MAP2: variants seen among roughly 807,000 people sequenced by gnomAD.
MAP2 encodes the protein microtubule-associated protein 2.
Under a neutral mutation model 137.6 loss-of-function variants are expected in MAP2, and 14 were observed. The ratio of observed to expected loss-of-function variants is 0.10; its 90% CI spans 0.07 to 0.16. MAP2 has a LOEUF of 0.16. MAP2 is among the 10% of genes least tolerant of loss of function. The pLI is 1.00. For missense variants in MAP2, 2,088 were observed against 2,191.5 expected (o/e 0.95, Z 0.94); for synonymous variants, 786 against 782.3 (o/e 1.00, Z -0.08).
At chr2:209,436,002 T>G (rs1369667531) in intron 1 of MAP2, among the ~76,000 whole-genome samples, 1 of 69,806 alleles carries the variant, frequency 1.4e-5, no homozygotes, top group Non-Finnish European at 2.3e-5. Flanking sequence ...ATATACTATA[T>G]ATACAGTATA....
intron 13 of MAP2, among the ~76,000 whole-genome samples, chr2:209,725,235 G>A (rs2073440304): frequency 1.3e-5 from 2 of 152,154 alleles, no homozygotes; most frequent in Non-Finnish European, 2.9e-5. Context: ...ATATGACAAT[G>A]TAATAACAAT....
intron 2 of MAP2, among the ~76,000 whole-genome samples, chr2:209,556,820 A>G (rs181394354): frequency 6.0e-4 from 92 of 152,298 alleles, no homozygotes; most frequent in African/African-American, 2.2e-3. Flanking sequence ...AATTTAAACT[A>G]CATATATAAA....
At chr2:209,529,498 T>A (rs914896624) in intron 2 of MAP2, among the ~76,000 whole-genome samples, 2 of 152,198 alleles carry the variant, frequency 1.3e-5, no homozygotes, top group Admixed American at 1.3e-4. Flanking sequence ...TCGATGTTAC[T>A]GTTTAGTCCA....
rs1377003002 is a variant in MAP2 at position 209,551,005 on chromosome 2, A to G, written c.-171-29031A>G. On this transcript the variant is annotated intron_variant, in intron 2 of 15. Coordinates refer to ENST00000682079, the MANE Select transcript of MAP2 (RefSeq NM_001375505.1). The stretch of plus-strand genomic sequence containing the variant: ...CCCAATTTCATTTTTGTTCAAAGCA[A>G]GATCTAATAAGAGGAAGAAAAATGA... 2.6e-5 allele frequency among the ~76,000 whole-genome samples: 4 copies of G among 152,078 alleles called. No homozygotes were observed. In the South Asian group the frequency reaches 6.2e-4, roughly 24 times the overall value.
At position 209,693,154 on chromosome 2, in the gene MAP2, C is replaced by T. The variant is rs1385179718; in HGVS notation, c.984C>T (p.Val328=). The T allele has an allele frequency of 1.2e-6, 2 of 1,610,296 alleles. No homozygotes were observed. Among genetic ancestry groups the T allele is most frequent in the Admixed American group, 3.4e-5 (2 of 59,238 alleles). Residue 328 remains valine, a synonymous_variant, in exon 8 of 16, where the codon GTC becomes GTT. Transcript: ENST00000682079. The stretch of plus-strand genomic sequence containing the variant: ...GAAGCTTCACTCTTCCTTTAGATGT[C>T]ATGAAGAATGAAATAGTTACAGAAA... ...QGGSFTLPLD[V]MKNEIVTETS...
intron 11 of MAP2, among the ~76,000 whole-genome samples, chr2:209,705,003 G>A (rs905452785): frequency 1.3e-5 from 2 of 151,296 alleles, no homozygotes; most frequent in South Asian, 2.1e-4. Context: ...TAAACTAAAC[G>A]TCATATACAT....
intron 3 of MAP2, among the ~76,000 whole-genome samples, chr2:209,593,016 C>T (rs2079691771): frequency 6.6e-6 from 1 of 151,686 alleles, no homozygotes; most frequent in Non-Finnish European, 1.5e-5. Context: ...TACCTTTAGT[C>T]CTGCTAATTC....
At chr2:209,658,650 G>T (rs1383642461) in intron 5 of MAP2, among the ~76,000 whole-genome samples, 2 of 151,928 alleles carry the variant, frequency 1.3e-5, no homozygotes, top group Non-Finnish European at 1.5e-5. Context: ...GAGATTACAG[G>T]CGCCTGCCAC....
At chr2:209,509,260 C>G (rs1174075654) in intron 2 of MAP2, among the ~76,000 whole-genome samples, 1 of 151,814 alleles carries the variant, frequency 6.6e-6, no homozygotes, top group Non-Finnish European at 1.5e-5. Context: ...CTAACAGTAA[C>G]GCACAAAAAT....
chr2:209,651,369 A>G (rs907245804), intron 4 of MAP2, among the ~76,000 whole-genome samples: 2 of 152,170 alleles, frequency 1.3e-5, no homozygotes, highest in South Asian at 2.1e-4. Context: ...AACTCTCATT[A>G]TTGTACTCAC....
At chr2:209,662,327 C>G (rs1418918052) in intron 5 of MAP2, among the ~76,000 whole-genome samples, 1 of 152,210 alleles carries the variant, frequency 6.6e-6, no homozygotes, top group Non-Finnish European at 1.5e-5. Context: ...TGCTAAATGT[C>G]AGAACTACAT....
In MAP2 at chr2:209,454,112, T is replaced by A; in HGVS notation, c.-222+29836T>A. Among the ~76,000 whole-genome samples, 3 of 127,304 alleles carry A rather than the reference T, an allele frequency of 2.4e-5. No individual in the cohort carries two copies. In the Admixed American group the frequency reaches 3.1e-4, roughly 13 times the overall value. 83.5% of individuals were successfully genotyped at this position (127,304 alleles called of 152,430 possible). On this transcript the variant is annotated intron_variant, in intron 1 of 15. Transcript: ENST00000682079. ...CTTGCAGTGAGCCTAGATCGCGCTC[T>A]GCACTCCATCCCGGGCAACAGAGCG... is the stretch of plus-strand genomic sequence containing the variant.
intron 13 of MAP2, among the ~76,000 whole-genome samples, chr2:209,721,428 A>G (rs1172141703): frequency 6.6e-6 from 1 of 152,244 alleles, no homozygotes; most frequent in East Asian, 1.9e-4. Flanking sequence ...TTGAGCAGAT[A>G]TAGGTGGAGA....
intron 10 of MAP2, 47 bp downstream of exon 10, chr2:209,697,098 T>C: frequency 6.6e-7 from 1 of 1,515,090 alleles, no homozygotes; most frequent in Non-Finnish European, 8.8e-7. Flanking sequence ...AGACATGTAT[T>C]TTTTTTTTAA....
chr2:209,433,192 A>G (rs1694790230), intron 1 of MAP2, among the ~76,000 whole-genome samples: 1 of 152,290 alleles, frequency 6.6e-6, no homozygotes, highest in Admixed American at 6.5e-5. Context: ...AACAAGTGAA[A>G]TAATAAATGA....
intron 1 of MAP2, among the ~76,000 whole-genome samples, chr2:209,493,697 G>C (rs1266398912): frequency 6.6e-6 from 1 of 152,136 alleles, no homozygotes; most frequent in Non-Finnish European, 1.5e-5. Flanking sequence ...CCTCATCACT[G>C]GTCATTAGAG....
At chr2:209,436,583 T>G (rs1240293666) in intron 1 of MAP2, among the ~76,000 whole-genome samples, 2 of 151,768 alleles carry the variant, frequency 1.3e-5, no homozygotes, top group Non-Finnish European at 3.0e-5. Context: ...AACCATACTG[T>G]TAAAAGATAA....
chr2:209,648,032 A>G (rs1027334044), intron 4 of MAP2, among the ~76,000 whole-genome samples: 1 of 152,038 alleles, frequency 6.6e-6, no homozygotes, highest in African/African-American at 2.4e-5. Flanking sequence ...AATATATAGT[A>G]TAATAGTCAT....
chr2:209,708,389 A>G (rs1056598981), intron 12 of MAP2, among the ~76,000 whole-genome samples: 2 of 152,152 alleles, frequency 1.3e-5, no homozygotes, highest in African/African-American at 2.4e-5. Flanking sequence ...TTAGAAGACC[A>G]AAAAGACACA....
Sources: allele counts gnomAD v4.1 joint callset (sites outside exome capture counted in the v4.1 genomes callset), GRCh38; gene constraint gnomAD v4.1.1; transcripts MANE v1.5; gene names NCBI Gene and HGNC (gene_info 2026-07-23, HGNC 2026-07-21).